Variants in ATAD2B observed in about 807,000 individuals in gnomAD.
The protein encoded by ATAD2B is ATPase family AAA domain-containing protein 2B.
In ATAD2B, 40 loss-of-function variants were observed where a neutral mutation model predicts 167.6. The observed-to-expected ratio is 0.24, with a 90% confidence interval of 0.19 to 0.31. The LOEUF is 0.31. Ranked by LOEUF, ATAD2B falls within the 10% of genes least tolerant of loss-of-function variation. The pLI is 1.00. For synonymous variants in ATAD2B, 579 were observed against 596.5 expected (o/e 0.97, Z 0.43); for missense variants, 1,242 against 1,757.2 (o/e 0.71, Z 5.24).
chr2:23,695,646 G>T, the ATAD2B span: 1 of 1,551,006 alleles, frequency 6.4e-7, no homozygotes, highest in Non-Finnish European at 8.7e-7. This position sits in a 1 kb window ranked among gnomAD's most constrained non-coding sequence, Gnocchi z 7.6. Context: ...TCCTGGCCGT[G>T]GTCCGCCTCC....
the ATAD2B span, among the ~76,000 whole-genome samples, chr2:23,712,921 G>C: frequency 6.6e-6 from 1 of 152,158 alleles, no homozygotes; most frequent in South Asian, 2.1e-4. Context: ...CTCATACTAG[G>C]TCGGTAAGAC....
At chr2:23,832,302 T>G (rs565016483) in intron 14 of ATAD2B, 3 of 459,966 alleles carry the variant, frequency 6.5e-6, no homozygotes, top group Admixed American at 2.5e-5. Flanking sequence ...ACAGCCAGCA[T>G]AGGCCTTTCC....
intron 13 of ATAD2B, among the ~76,000 whole-genome samples, chr2:23,844,301 T>C (rs532218562): frequency 6.6e-6 from 1 of 150,420 alleles, no homozygotes; most frequent in East Asian, 1.9e-4. Flanking sequence ...TAACTGTGTC[T>C]CAAAAGGAAA....
chr2:23,733,934 G>A, the ATAD2B span, among the ~76,000 whole-genome samples: 2 of 152,164 alleles, frequency 1.3e-5, no homozygotes, highest in African/African-American at 2.4e-5. Flanking sequence ...AACACCCATA[G>A]TTGCCTAAAC....
At chr2:23,859,816 G>C (rs143784146) in intron 12 of ATAD2B, among the ~76,000 whole-genome samples, 3,428 of 151,934 alleles carry the variant, frequency 0.023, 134 homozygotes, top group African/African-American at 0.078. Flanking sequence ...CGCGTGGCGG[G>C]GGGGGCACCT....
At chr2:23,679,051 T>TA in the ATAD2B span, among the ~76,000 whole-genome samples, 17,316 of 141,716 alleles carry the variant, frequency 0.12, 1,040 homozygotes, top group Middle Eastern at 0.17. Context: ...TTACCACAAC[T>TA]AAAAAAAAAA....
chr2:23,788,159 A>T (rs184967689), intron 20 of ATAD2B: 10 of 209,898 alleles, frequency 4.8e-5, no homozygotes, highest in Admixed American at 3.1e-4. Context: ...TGAGCACAAC[A>T]CCTGGTGTTC....
At chr2:23,704,020 A>C in the ATAD2B span, among the ~76,000 whole-genome samples, 2 of 152,196 alleles carry the variant, frequency 1.3e-5, no homozygotes, top group Admixed American at 6.5e-5. Context: ...ATTAGCCCAG[A>C]CCAGTAGGGT....
chr2:23,710,485 C>T, the ATAD2B span, among the ~76,000 whole-genome samples: 7 of 152,116 alleles, frequency 4.6e-5, no homozygotes, highest in Admixed American at 3.3e-4. Context: ...TTCTGTCAAC[C>T]AAAACAACGC....
rs554223322 is a variant in ATAD2B, at chr2:23,751,200, G to A, written c.*846C>T. Reference sequence around the variant, plus strand: ...GCAGTTTTGTTTTTTGTTTTTTTGTGTGTGGACTGTGTATTATTCTTTGTT... The same window carrying A: ...GCAGTTTTGTTTTTTGTTTTTTTGTATGTGGACTGTGTATTATTCTTTGTT... On this transcript the variant is annotated 3_prime_UTR_variant, in exon 28 of 28. Transcript: ENST00000238789. 5 of 152,032 alleles carry A rather than the reference G, an allele frequency of 3.3e-5. No individual in the cohort carries two copies. In the South Asian group the frequency reaches 1.0e-3, roughly 32 times the overall value. The allele number at this position is 152,032 out of a possible 1,614,324, so 9.4% of individuals were successfully genotyped here. A position where few individuals can be genotyped will look rare whatever the true frequency, so the allele number is the denominator to read the frequency against.
intron 13 of ATAD2B, among the ~76,000 whole-genome samples, chr2:23,838,413 A>T (rs1343528665): frequency 6.6e-6 from 1 of 152,156 alleles, no homozygotes; most frequent in African/African-American, 2.4e-5. Flanking sequence ...CAGAAACAGA[A>T]TTACAATCTA....
intron 18 of ATAD2B, among the ~76,000 whole-genome samples, chr2:23,800,759 TA>T (rs146854971): frequency 0.12 from 18,151 of 149,942 alleles, 1,162 homozygotes; most frequent in Middle Eastern, 0.22. Context: ...GTGATCCAAT[TA>T]AAAAAAAAAT....
chr2:23,776,946 C>A (rs1464243886), intron 22 of ATAD2B, among the ~76,000 whole-genome samples: 1 of 152,096 alleles, frequency 6.6e-6, no homozygotes, highest in East Asian at 1.9e-4. Flanking sequence ...AGGCTTAACT[C>A]CCAGTACCTT....
chr2:23,748,638 GATC>G (rs1558478289), downstream of ATAD2B: 1 of 152,092 alleles, frequency 6.6e-6, no homozygotes, highest in Admixed American at 6.6e-5. Context: ...AGCCAACAGT[GATC>G]ATAATTAAGC....
intron 13 of ATAD2B, among the ~76,000 whole-genome samples, chr2:23,840,369 G>A (rs1035887347): frequency 6.6e-6 from 1 of 151,980 alleles, no homozygotes; most frequent in Admixed American, 6.6e-5. Context: ...GCATGCCAGA[G>A]GCTCGTCAGT....
the ATAD2B span, among the ~76,000 whole-genome samples, chr2:23,694,565 T>C: frequency 6.6e-6 from 1 of 152,236 alleles, no homozygotes; most frequent in African/African-American, 2.4e-5. Context: ...GCAGTCCTTG[T>C]TGAGCATGAG....
chr2:23,680,984 C>G, the ATAD2B span, among the ~76,000 whole-genome samples: 5 of 152,220 alleles, frequency 3.3e-5, no homozygotes, highest in African/African-American at 1.2e-4. This position sits in a 1 kb window ranked among gnomAD's most constrained non-coding sequence, Gnocchi z 4.1. Context: ...AGCAATCCCA[C>G]ACACCTCACT....
chr2:23,731,024 C>T, the ATAD2B span, among the ~76,000 whole-genome samples: 4 of 151,974 alleles, frequency 2.6e-5, no homozygotes, highest in African/African-American at 4.8e-5. Context: ...ACAAAGATTA[C>T]TAGAGTTGTG....
the ATAD2B span, among the ~76,000 whole-genome samples, chr2:23,730,665 CAAAAAAAAAAAAAAA>C: frequency 6.3e-4 from 20 of 31,988 alleles, no homozygotes; most frequent in Admixed American, 1.9e-3. Context: ...GACTCCGTTT[CAAAAAAAAAAAAAAA>C]AAAAAAAAAA....
Sources: allele counts gnomAD v4.1 joint callset (sites outside exome capture counted in the v4.1 genomes callset), GRCh38; gene constraint gnomAD v4.1.1; non-coding constraint Gnocchi (gnomAD v3.1); transcripts MANE v1.5; gene names NCBI Gene and HGNC (gene_info 2026-07-23, HGNC 2026-07-21).